RARB: variants seen among roughly 807,000 people sequenced by gnomAD.
RARB encodes the protein retinoic acid receptor beta, also known as HBV-activated protein.
In RARB, 17 loss-of-function variants were observed where a neutral mutation model predicts 51.9. That is an observed-to-expected ratio of 0.33 (90% confidence interval 0.22 to 0.49). The LOEUF (loss-of-function observed/expected upper bound fraction) is 0.49, where lower values mean the gene tolerates loss of function less well. Among genes scored for constraint, RARB ranks in the 20% least tolerant of loss-of-function variants. The pLI is 0.99. For synonymous variants in RARB, 215 were observed against 195.4 expected (o/e 1.10, Z -0.84); for missense variants, 369 against 550.8 (o/e 0.67, Z 3.30).
chr3:25,259,628 T>A (rs1166403710), intron 5 of RARB, among the ~76,000 whole-genome samples: 1 of 152,206 alleles, frequency 6.6e-6, no homozygotes, highest in Non-Finnish European at 1.5e-5. Flanking sequence ...TGTGTGAAGC[T>A]AATGAAGTTT....
intron 5 of RARB, among the ~76,000 whole-genome samples, chr3:25,183,236 T>C (rs1473959096): frequency 6.6e-6 from 1 of 152,214 alleles, no homozygotes; most frequent in Non-Finnish European, 1.5e-5. Flanking sequence ...TCATGTGGCT[T>C]CTTTGGCTTG....
At chr3:25,295,816 C>G (rs999008323) in intron 5 of RARB, among the ~76,000 whole-genome samples, 4 of 152,122 alleles carry the variant, frequency 2.6e-5, no homozygotes, top group Admixed American at 2.6e-4. Flanking sequence ...GGCAGATCAC[C>G]AACAGCAGAA....
intron 2 of RARB, among the ~76,000 whole-genome samples, chr3:24,882,814 A>G (rs1274444856): frequency 1.3e-5 from 2 of 152,178 alleles, no homozygotes; most frequent in African/African-American, 4.8e-5. Flanking sequence ...CATGTGCTTA[A>G]CCAGCATGGG....
chr3:25,584,791 T>C (rs1485484277), intron 5 of RARB, among the ~76,000 whole-genome samples: 1 of 152,162 alleles, frequency 6.6e-6, no homozygotes, highest in Non-Finnish European at 1.5e-5. Context: ...TGCGTCAATA[T>C]TGGTTGAAGT....
intron 5 of RARB, among the ~76,000 whole-genome samples, chr3:25,180,251 G>A (rs759644430): frequency 1.3e-5 from 2 of 152,204 alleles, no homozygotes; most frequent in Non-Finnish European, 2.9e-5. Context: ...ATGGAGAAAA[G>A]ATGGAGTAAT....
intron 2 of RARB, among the ~76,000 whole-genome samples, chr3:24,981,393 G>T (rs1229139580): frequency 6.6e-6 from 1 of 152,282 alleles, no homozygotes; most frequent in East Asian, 1.9e-4. Context: ...ATCTAGAGAG[G>T]CAGTAGGCCT....
intron 1 of RARB, among the ~76,000 whole-genome samples, chr3:25,453,124 A>G (rs1262749273): frequency 1.3e-5 from 2 of 152,142 alleles, no homozygotes; most frequent in Non-Finnish European, 2.9e-5. Flanking sequence ...GGTTAGGACA[A>G]TAACAAGACA....
At chr3:25,190,576 A>C (rs1701078207) in intron 5 of RARB, among the ~76,000 whole-genome samples, 2 of 152,086 alleles carry the variant, frequency 1.3e-5, no homozygotes, top group Non-Finnish European at 2.9e-5. Flanking sequence ...AAATGCATTT[A>C]TTTAACAGGC....
intron 5 of RARB, among the ~76,000 whole-genome samples, chr3:25,367,238 A>G (rs947565061): frequency 1.3e-5 from 2 of 152,158 alleles, no homozygotes; most frequent in African/African-American, 4.8e-5. Context: ...ATTTTGGCAG[A>G]CAATTCCAGG....
chr3:25,241,954 C>T (rs1368282673), intron 5 of RARB, among the ~76,000 whole-genome samples: 2 of 152,184 alleles, frequency 1.3e-5, no homozygotes, highest in Non-Finnish European at 2.9e-5. Flanking sequence ...CCTATTTCTC[C>T]ACATCCTCTC....
intron 1 of RARB, among the ~76,000 whole-genome samples, chr3:25,429,821 C>T (rs948748126): frequency 1.3e-5 from 2 of 152,190 alleles, no homozygotes; most frequent in Non-Finnish European, 2.9e-5. Flanking sequence ...CAGGATGCTT[C>T]GCCGCCCTGA....
At chr3:25,267,400 C>G (rs747187117) in intron 5 of RARB, among the ~76,000 whole-genome samples, 2 of 152,158 alleles carry the variant, frequency 1.3e-5, no homozygotes, top group African/African-American at 2.4e-5. Context: ...CCTTCCGCAA[C>G]CCCCGTCTTT....
At chr3:25,359,455 T>G (rs1370277153) in intron 5 of RARB, among the ~76,000 whole-genome samples, 2 of 152,176 alleles carry the variant, frequency 1.3e-5, no homozygotes, top group Non-Finnish European at 2.9e-5. Context: ...TTCGAAGGGT[T>G]TTTCAATTCT....
intron 5 of RARB, among the ~76,000 whole-genome samples, chr3:25,305,006 A>G (rs1373936295): frequency 6.6e-6 from 1 of 152,180 alleles, no homozygotes; most frequent in Non-Finnish European, 1.5e-5. Context: ...GTGCCATTAC[A>G]GTTCAGAAAC....
intron 5 of RARB, among the ~76,000 whole-genome samples, chr3:25,395,737 C>T (rs771661536): frequency 1.3e-5 from 2 of 151,626 alleles, no homozygotes; most frequent in African/African-American, 2.4e-5. Context: ...CTATCTATTT[C>T]TCTGGAGATT....
intron 2 of RARB, among the ~76,000 whole-genome samples, chr3:24,923,032 A>G (rs1395966033): frequency 6.6e-6 from 1 of 152,186 alleles, no homozygotes; most frequent in East Asian, 1.9e-4. Flanking sequence ...AACTTCCAAA[A>G]TGATGACTTG....
At chr3:25,120,527 A>ATC (rs138649959) in intron 3 of RARB, among the ~76,000 whole-genome samples, 18,168 of 136,010 alleles carry the variant, frequency 0.13, 1,416 homozygotes, top group South Asian at 0.26. Context: ...ATATATAAAA[A>ATC]TCTCTCTCTC....
chr3:25,233,100 C>A (rs992746280), intron 5 of RARB, among the ~76,000 whole-genome samples: 3 of 151,182 alleles, frequency 2.0e-5, no homozygotes, highest in African/African-American at 7.3e-5. Context: ...TTCAGCCTCC[C>A]AAGTAGCTGG....
intron 5 of RARB, among the ~76,000 whole-genome samples, chr3:25,188,092 A>G (rs1701017783): frequency 6.6e-6 from 1 of 152,140 alleles, no homozygotes; most frequent in Admixed American, 6.6e-5. Flanking sequence ...TCAAGACAAT[A>G]TTCTTACATT....
Sources: allele counts gnomAD v4.1 joint callset (sites outside exome capture counted in the v4.1 genomes callset), GRCh38; gene constraint gnomAD v4.1.1; transcripts MANE v1.5; gene names NCBI Gene and HGNC (gene_info 2026-07-23, HGNC 2026-07-21).